Variants in CLIC4 observed in about 807,000 individuals in gnomAD.
CLIC4 encodes CLIC family member 4, also known as chloride intracellular channel protein 4.
In CLIC4, 13 loss-of-function variants were observed where a neutral mutation model predicts 24.6. The ratio of observed to expected loss-of-function variants is 0.53; its 90% CI spans 0.34 to 0.84. CLIC4 has a LOEUF of 0.84. CLIC4 is among the 40% of genes least tolerant of loss of function. The pLI is 0.01. For synonymous variants in CLIC4, 104 were observed against 111.3 expected (o/e 0.93, Z 0.41); for missense variants, 227 against 301.7 (o/e 0.75, Z 1.83).
chr1:24,748,020 G>A (rs566157233), intron 1 of CLIC4, among the ~76,000 whole-genome samples: 29 of 100,786 alleles, frequency 2.9e-4, no homozygotes, highest in Admixed American at 5.9e-4. Context: ...GTGAGACTTC[G>A]TCTCAAAAAA....
At chr1:24,808,996 A>G (rs1639585818) in intron 2 of CLIC4, among the ~76,000 whole-genome samples, 1 of 152,060 alleles carries the variant, frequency 6.6e-6, no homozygotes, top group Non-Finnish European at 1.5e-5. Flanking sequence ...AATATTTTTG[A>G]TCCTCAGTTG....
intron 1 of CLIC4, among the ~76,000 whole-genome samples, chr1:24,788,562 C>G (rs1405374777): frequency 6.6e-6 from 1 of 152,152 alleles, no homozygotes; most frequent in Non-Finnish European, 1.5e-5. Flanking sequence ...TACGGAAGGC[C>G]AGCTGTGATA....
intron 2 of CLIC4, among the ~76,000 whole-genome samples, chr1:24,803,595 A>G (rs1350888073): frequency 6.6e-6 from 1 of 152,166 alleles, no homozygotes; most frequent in African/African-American, 2.4e-5. Context: ...TTTTCTGTTC[A>G]TATTGCAATT....
At chr1:24,759,159 A>G (rs1481902583) in intron 1 of CLIC4, among the ~76,000 whole-genome samples, 1 of 152,170 alleles carries the variant, frequency 6.6e-6, no homozygotes, top group Non-Finnish European at 1.5e-5. Flanking sequence ...AATGAAAGTT[A>G]TTTTTCAGTA....
At chr1:24,828,705 C>T (rs890743380) in intron 4 of CLIC4, among the ~76,000 whole-genome samples, 14 of 136,088 alleles carry the variant, frequency 1.0e-4, no homozygotes, top group Middle Eastern at 3.6e-3. Flanking sequence ...GGGGGTGGGG[C>T]GGGAATAAAA....
At chr1:24,753,620 C>G (rs1035432637) in intron 1 of CLIC4, among the ~76,000 whole-genome samples, 3 of 152,332 alleles carry the variant, frequency 2.0e-5, no homozygotes, top group African/African-American at 7.2e-5. Flanking sequence ...AGGAGTGATT[C>G]AGATCTATAG....
intron 1 of CLIC4, among the ~76,000 whole-genome samples, chr1:24,790,123 G>T (rs1557803312): frequency 6.6e-6 from 1 of 152,216 alleles, no homozygotes; most frequent in Non-Finnish European, 1.5e-5. Flanking sequence ...CCAGGCTGGA[G>T]CGCAGTGGCG....
At position 24,840,974 on chromosome 1, in the gene CLIC4, C is replaced by T; in HGVS notation, c.*37C>T. The T allele has an allele frequency of 6.5e-7, 1 of 1,541,390 alleles. No individual in the cohort carries two copies. The highest frequency in any genetic ancestry group is 8.8e-7 in the Non-Finnish European group (1 of 1,138,310). ...TAAAAGAGATGTCTTCATGTCTTCC[C>T]CTAAGAATACGCTTTTCCTAACAGG... On this transcript the variant is annotated 3_prime_UTR_variant, in exon 6 of 6. Coordinates refer to ENST00000374379, the MANE Select transcript of CLIC4 (RefSeq NM_013943.3).
chr1:24,766,611 C>G (rs1557797218), intron 1 of CLIC4, among the ~76,000 whole-genome samples: 1 of 147,738 alleles, frequency 6.8e-6, no homozygotes, highest in Non-Finnish European at 1.5e-5. Context: ...TCAAGTGATT[C>G]TTGTGCCTCA....
chr1:24,768,903 CAAAAAAAA>C (rs71032856), intron 1 of CLIC4, among the ~76,000 whole-genome samples: 1 of 107,300 alleles, frequency 9.3e-6, no homozygotes, highest in Admixed American at 9.5e-5. Flanking sequence ...TCTGCCTCAC[CAAAAAAAA>C]AAAAAAAAAG....
chr1:24,764,735 CTTTT>C (rs2124094187), intron 1 of CLIC4, among the ~76,000 whole-genome samples: 1 of 151,600 alleles, frequency 6.6e-6, no homozygotes, highest in Non-Finnish European at 1.5e-5. Context: ...AAAATTGATT[CTTTT>C]GTCTTTTATT....
At chr1:24,780,237 T>A (rs1312512605) in intron 1 of CLIC4, among the ~76,000 whole-genome samples, 1 of 152,054 alleles carries the variant, frequency 6.6e-6, no homozygotes, top group Non-Finnish European at 1.5e-5. Flanking sequence ...CCCAGAGAGG[T>A]TTAAGTAACT....
rs1383002273 is a variant in CLIC4 at position 24,840,790 on chromosome 1, T to C, written c.615T>C (p.Tyr205=). The stretch of plus-strand genomic sequence containing the variant: ...TATTTCAGGTGGTGGCCAAAAAATA[T>C]CGCAACTTTGATATTCCAAAAGAAA... ...LHIVKVVAKK[Y]RNFDIPKEMT... The change falls in exon 6 of 6, where the codon TAT becomes TAC. Residue 205 remains tyrosine (Y), a synonymous_variant. Transcript: ENST00000374379. 1.9e-6 allele frequency: 3 copies of C among 1,606,252 alleles called. No homozygotes were observed. The highest frequency in any genetic ancestry group is 1.3e-5 in the African/African-American group (1 of 74,502).
chr1:24,786,615 T>C (rs1385192946), intron 1 of CLIC4, among the ~76,000 whole-genome samples: 1 of 152,104 alleles, frequency 6.6e-6, no homozygotes, highest in Non-Finnish European at 1.5e-5. Flanking sequence ...AAAAAAATTA[T>C]TTTTATTTTT....
chr1:24,822,341 CTTTTTTTTTTTT>C (rs71032865), intron 3 of CLIC4, among the ~76,000 whole-genome samples: 4 of 75,464 alleles, frequency 5.3e-5, no homozygotes, highest in East Asian at 3.9e-4. Context: ...TCAGTGAATT[CTTTTTTTTTTTT>C]TTTTTTTTTT....
chr1:24,842,609 C>T lies in CLIC4; in HGVS notation c.*1672C>T, dbSNP rs1346542697. On this transcript the variant is annotated 3_prime_UTR_variant, in exon 6 of 6. Transcript: ENST00000374379. ...CTTAGTATGAAAGATAAGAAAATCT[C>T]CATGTTGTATCCATTTGGCTCAGGA... The T allele has an allele frequency of 6.6e-6, 1 of 152,084 alleles. No individual in the cohort carries two copies. The highest frequency in any genetic ancestry group is 1.5e-5 in the Non-Finnish European group (1 of 67,988). The allele number at this position is 152,084 out of a possible 1,614,324, so 9.4% of individuals were successfully genotyped here. A position where few individuals can be genotyped will look rare whatever the true frequency, so the allele number is the denominator to read the frequency against.
chr1:24,759,158 T>G (rs1238847690), intron 1 of CLIC4, among the ~76,000 whole-genome samples: 1 of 152,196 alleles, frequency 6.6e-6, no homozygotes, highest in Admixed American at 6.5e-5. Flanking sequence ...AAATGAAAGT[T>G]ATTTTTCAGT....
At chr1:24,798,907 G>A (rs1215227665) in intron 2 of CLIC4, among the ~76,000 whole-genome samples, 2 of 152,254 alleles carry the variant, frequency 1.3e-5, no homozygotes, top group Non-Finnish European at 2.9e-5. Context: ...TCGGCCTCCC[G>A]AGGTGCCGGG....
In CLIC4 at chr1:24,745,641, G is replaced by C; in HGVS notation, c.72+16G>C. The C allele has an allele frequency of 2.6e-6, 4 of 1,537,952 alleles. No homozygotes were observed. Among genetic ancestry groups the C allele is most frequent in the Non-Finnish European group, 3.5e-6 (4 of 1,144,034 alleles). On this transcript the variant is annotated intron_variant, in intron 1 of 5. Coordinates refer to ENST00000374379, the MANE Select transcript of CLIC4 (RefSeq NM_013943.3). ...CTTCGTCAAGGTGAGCGCTCGCCTCGCGGTCCCGCCCGGCAGATCCCCCGG... is the reference window on the plus strand; with the variant it reads ...CTTCGTCAAGGTGAGCGCTCGCCTCCCGGTCCCGCCCGGCAGATCCCCCGG...
Sources: allele counts gnomAD v4.1 joint callset (sites outside exome capture counted in the v4.1 genomes callset), GRCh38; gene constraint gnomAD v4.1.1; transcripts MANE v1.5; gene names NCBI Gene and HGNC (gene_info 2026-07-23, HGNC 2026-07-21).